PGM2L1: variants seen among roughly 807,000 people sequenced by gnomAD.
PGM2L1 encodes the protein phosphoglucomutase 2 like 1, also known as glucose 1,6-bisphosphate synthase.
In PGM2L1, 35 loss-of-function variants were observed where a neutral mutation model predicts 73.4. That is an observed-to-expected ratio of 0.48 (90% confidence interval 0.36 to 0.63). The LOEUF (loss-of-function observed/expected upper bound fraction) is 0.63. Among genes scored for constraint, PGM2L1 ranks in the 30% least tolerant of loss-of-function variants. The pLI is 0.00. For missense variants in PGM2L1, 570 were observed against 742.0 expected (o/e 0.77, Z 2.69); for synonymous variants, 225 against 253.8 (o/e 0.89, Z 1.08).
chr11:74,358,529 T>C (rs1565439259), intron 5 of PGM2L1, among the ~76,000 whole-genome samples: 1 of 152,322 alleles, frequency 6.6e-6, no homozygotes, highest in Non-Finnish European at 1.5e-5. Flanking sequence ...GATGAGGTTA[T>C]TAAATGGTAT....
chr11:74,376,356 AAAT>A (rs1266833426), intron 1 of PGM2L1, among the ~76,000 whole-genome samples: 2 of 152,050 alleles, frequency 1.3e-5, no homozygotes, highest in Non-Finnish European at 2.9e-5. Context: ...CAGACAAACA[AAAT>A]AATTGTGTTG....
chr11:74,339,100 G>A (rs1862143142), intron 12 of PGM2L1, among the ~76,000 whole-genome samples: 1 of 152,110 alleles, frequency 6.6e-6, no homozygotes, highest in African/African-American at 2.4e-5. Context: ...CCATTTTACA[G>A]ACGAGGCTCA....
At chr11:74,390,743 C>A (rs1863090180) in intron 1 of PGM2L1, among the ~76,000 whole-genome samples, 1 of 152,136 alleles carries the variant, frequency 6.6e-6, no homozygotes, top group Non-Finnish European at 1.5e-5. Context: ...TAAGCCCAAA[C>A]CCAAAATAAC....
chr11:74,386,512 G>A (rs976110334), intron 1 of PGM2L1, among the ~76,000 whole-genome samples: 1 of 149,926 alleles, frequency 6.7e-6, no homozygotes, highest in Non-Finnish European at 1.5e-5. Flanking sequence ...GTCCCACTCT[G>A]TCACCCAGGC....
Position 74,336,605 on chromosome 11 carries a change from G to GC in PGM2L1, c.*46dup, listed in dbSNP as rs777669369. ...GGTTCAATGTATGCAGTTCTCGGTT[G>GC]CTCTGTTCCATATGCCCACACAGTG... On this transcript the variant is annotated 3_prime_UTR_variant, in exon 14 of 14. Transcript: ENST00000298198. 1.2e-5 allele frequency: 16 copies of GC among 1,301,314 alleles called. No individual in the cohort carries two copies. Among genetic ancestry groups the GC allele is most frequent in the Admixed American group, 4.1e-5 (2 of 48,958 alleles). 80.6% of individuals were successfully genotyped at this position (1,301,314 alleles called of 1,614,324 possible). A position where few individuals can be genotyped will look rare whatever the true frequency, so the allele number is the denominator to read the frequency against.
chr11:74,369,062 G>A (rs480358), intron 4 of PGM2L1, among the ~76,000 whole-genome samples: 96,031 of 152,008 alleles, frequency 0.63, 30,527 homozygotes, highest in East Asian at 0.8. Context: ...GGTAATATTA[G>A]CCATAACTGC....
In PGM2L1 at chr11:74,383,824, A is replaced by AATAAATATATATATATATATAT. The variant is rs61026077; in HGVS notation, c.112-9243_112-9242insATATATATATATATATATTTAT. Among the ~76,000 whole-genome samples, 102 of 121,824 alleles carry AATAAATATATATATATATATAT rather than the reference A, an allele frequency of 8.4e-4. 1 individual carries two copies. Among genetic ancestry groups the AATAAATATATATATATATATAT allele is most frequent in the African/African-American group, 2.9e-3 (84 of 28,726 alleles). The allele number at this position is 121,824 out of a possible 152,430, so 79.9% of individuals were successfully genotyped here. On this transcript the variant is annotated intron_variant, in intron 1 of 13. Coordinates refer to ENST00000298198, the MANE Select transcript of PGM2L1 (RefSeq NM_173582.6). ...AGTATTCTATGGAGATATATAAATA[A>AATAAATATATATATATATATAT]ATATATATATATATATATAACATTT... is the stretch of plus-strand genomic sequence containing the variant.
intron 1 of PGM2L1, among the ~76,000 whole-genome samples, chr11:74,381,571 C>CTTCTTTTTTTTTTTTTTTTTTTTTGTT (rs1862945720): frequency 1.0e-5 from 1 of 95,436 alleles, no homozygotes; most frequent in Non-Finnish European, 2.0e-5. Flanking sequence ...GTGTTTTTGT[C>CTTCTTTTTTTTTTTTTTTTTTTTTGTT]TTTTTTTTTT....
intron 1 of PGM2L1, among the ~76,000 whole-genome samples, chr11:74,375,386 AT>A: frequency 6.6e-6 from 1 of 152,334 alleles, no homozygotes. Context: ...CAAATTTCAA[AT>A]AGAAATGCAT....
chr11:74,384,652 G>A (rs1862995551), intron 1 of PGM2L1, among the ~76,000 whole-genome samples: 1 of 152,040 alleles, frequency 6.6e-6, no homozygotes, highest in Admixed American at 6.6e-5. Flanking sequence ...CTCCCTCCAG[G>A]AAACTTGTTG....
intron 1 of PGM2L1, among the ~76,000 whole-genome samples, chr11:74,377,297 C>A (rs943403524): frequency 2.0e-5 from 3 of 152,036 alleles, no homozygotes; most frequent in Non-Finnish European, 2.9e-5. Flanking sequence ...CCACGCCCAG[C>A]TAATTTTTTG....
At chr11:74,365,016 A>G (rs922715085) in intron 5 of PGM2L1, among the ~76,000 whole-genome samples, 14 of 151,698 alleles carry the variant, frequency 9.2e-5, no homozygotes, top group African/African-American at 2.2e-4. Context: ...CCAAAACAGA[A>G]ATATAGACCA....
In PGM2L1 at chr11:74,398,194, G is replaced by A. The variant is rs1863211624; in HGVS notation, c.-33C>T. The A allele has an allele frequency of 1.3e-6, 2 of 1,589,092 alleles. No individual in the cohort carries two copies. Among genetic ancestry groups the A allele is most frequent in the South Asian group, 2.3e-5 (2 of 87,000 alleles). On this transcript the variant is annotated 5_prime_UTR_variant, in exon 1 of 14. Transcript: ENST00000298198. ...AGACAGGCGTACGGGCCGGGGGCCG[G>A]CGAAGACACTGAGTTGGGGTGGGGG...
chr11:74,379,728 A>G (rs1862909859), intron 1 of PGM2L1, among the ~76,000 whole-genome samples: 1 of 152,132 alleles, frequency 6.6e-6, no homozygotes, highest in Admixed American at 6.5e-5. Flanking sequence ...GTTTGAGACC[A>G]GCCTGGACAA....
At chr11:74,355,653 C>A in intron 5 of PGM2L1, 1 of 496,910 alleles carries the variant, frequency 2.0e-6, no homozygotes, top group South Asian at 1.5e-5. Context: ...CAATACTTTA[C>A]TAATTATGAA....
intron 1 of PGM2L1, among the ~76,000 whole-genome samples, chr11:74,375,592 A>G (rs527969833): frequency 2.0e-5 from 3 of 152,314 alleles, no homozygotes; most frequent in African/African-American, 7.2e-5. Context: ...AGTGCACATA[A>G]AAGGTGCTAA....
rs1862087936 is a variant in PGM2L1 at position 74,335,889 on chromosome 11, T to C, written c.*763A>G. On this transcript the variant is annotated 3_prime_UTR_variant, in exon 14 of 14. Coordinates refer to ENST00000298198, the MANE Select transcript of PGM2L1 (RefSeq NM_173582.6). ...CCTTAGCTATCTGCAAATTGACTGA[T>C]TAAATTATGGTAAATGCAGGAACAC... is the stretch of plus-strand genomic sequence containing the variant. The C allele has an allele frequency of 6.6e-6, 1 of 152,650 alleles. No individual in the cohort carries two copies. Among genetic ancestry groups the C allele is most frequent in the East Asian group, 1.9e-4 (1 of 5,200 alleles). 9.5% of individuals were successfully genotyped at this position (152,650 alleles called of 1,614,324 possible). A position where few individuals can be genotyped will look rare whatever the true frequency, so the allele number is the denominator to read the frequency against.
Position 74,336,260 on chromosome 11 carries a change from A to C in PGM2L1, c.*392T>G, listed in dbSNP as rs370351031. 9 of 153,062 alleles carry C rather than the reference A, an allele frequency of 5.9e-5. No individual in the cohort carries two copies. The highest frequency in any genetic ancestry group is 2.2e-4 in the African/African-American group (9 of 41,568). 9.5% of individuals were successfully genotyped at this position (153,062 alleles called of 1,614,324 possible). On this transcript the variant is annotated 3_prime_UTR_variant, in exon 14 of 14. Transcript: ENST00000298198. ...TTTCCTTAACTAACCCTACAATTAT[A>C]TAACATTTACCTGTCTTTTTTTTTT...
chr11:74,353,603 T>G (rs1301602377), intron 5 of PGM2L1, among the ~76,000 whole-genome samples: 1 of 151,670 alleles, frequency 6.6e-6, no homozygotes. Flanking sequence ...CCTTAATCCA[T>G]TTAACCCTGA....
Sources: allele counts gnomAD v4.1 joint callset (sites outside exome capture counted in the v4.1 genomes callset), GRCh38; gene constraint gnomAD v4.1.1; transcripts MANE v1.5; gene names NCBI Gene and HGNC (gene_info 2026-07-23, HGNC 2026-07-21).